Variants in SNX29 observed in about 807,000 individuals in gnomAD.
SNX29 encodes sorting nexin 29, also known as sorting nexin-29.
In SNX29, 78 loss-of-function variants were observed where a neutral mutation model predicts 102.1. The ratio of observed to expected loss-of-function variants is 0.76; its 90% CI spans 0.64 to 0.92. The LOEUF is 0.92. SNX29 is among the 40% of genes least tolerant of loss of function. The probability of loss-of-function intolerance (pLI) is 0.00; values close to 1 mark genes in which losing one functional copy is unlikely to be tolerated. For synonymous variants in SNX29, 580 were observed against 414.5 expected (o/e 1.40, Z -4.85); for missense variants, 1,280 against 1,061.7 (o/e 1.21, Z -2.86).
At chr16:12,394,878 G>T (rs1292563109) in intron 16 of SNX29, among the ~76,000 whole-genome samples, 1 of 152,178 alleles carries the variant, frequency 6.6e-6, no homozygotes, top group African/African-American at 2.4e-5. Flanking sequence ...TGCTGTGGAA[G>T]AGCTTTGTGG....
chr16:12,040,265 C>A (rs1399478043), intron 4 of SNX29, among the ~76,000 whole-genome samples: 3 of 152,056 alleles, frequency 2.0e-5, no homozygotes, highest in Non-Finnish European at 4.4e-5. Context: ...TGTGTCTCAG[C>A]TACTCGGGAG....
At chr16:12,420,647 G>A (rs1478717923) in intron 18 of SNX29, among the ~76,000 whole-genome samples, 3 of 152,196 alleles carry the variant, frequency 2.0e-5, no homozygotes, top group African/African-American at 7.2e-5. Flanking sequence ...GATAATCATA[G>A]CACTGACCTC....
intron 20 of SNX29, among the ~76,000 whole-genome samples, chr16:12,528,983 C>A (rs2141161645): frequency 6.6e-6 from 1 of 152,352 alleles, no homozygotes; most frequent in African/African-American, 2.4e-5. Flanking sequence ...CACACACACT[C>A]TTCCATTTTT....
intron 19 of SNX29, among the ~76,000 whole-genome samples, chr16:12,518,050 C>T (rs992609227): frequency 6.6e-5 from 10 of 152,106 alleles, no homozygotes; most frequent in Admixed American, 3.3e-4. Flanking sequence ...AGGCGTGCTG[C>T]GGCCACGCGG....
intron 19 of SNX29, among the ~76,000 whole-genome samples, chr16:12,514,007 T>C (rs2089752081): frequency 6.6e-6 from 1 of 152,290 alleles, no homozygotes; most frequent in South Asian, 2.1e-4. Flanking sequence ...TCCCCCGTTA[T>C]AAAGCAGAGT....
chr16:12,525,801 C>T (rs2076767456), intron 20 of SNX29, among the ~76,000 whole-genome samples: 1 of 150,216 alleles, frequency 6.7e-6, no homozygotes, highest in South Asian at 2.1e-4. Context: ...CTCGAAATGT[C>T]ATGCAGTGAC....
chr16:12,541,555 C>T (rs896915467), intron 20 of SNX29, among the ~76,000 whole-genome samples: 6 of 152,044 alleles, frequency 3.9e-5, no homozygotes, highest in African/African-American at 1.4e-4. Flanking sequence ...CCTCCCTTTT[C>T]AAGCTGCCAA....
chr16:12,508,044 A>C (rs1405728031), intron 19 of SNX29, among the ~76,000 whole-genome samples: 2 of 152,264 alleles, frequency 1.3e-5, no homozygotes, highest in Non-Finnish European at 2.9e-5. Flanking sequence ...AACGTGGCCA[A>C]GGGCAAGCTA....
At chr16:12,458,334 G>A (rs977784990) in intron 18 of SNX29, among the ~76,000 whole-genome samples, 2 of 152,096 alleles carry the variant, frequency 1.3e-5, no homozygotes, top group African/African-American at 4.8e-5. Flanking sequence ...CATAACACTG[G>A]GACAGGGAGG....
chr16:12,460,674 T>TTTG lies in SNX29; in HGVS notation c.2038-17044_2038-17043insTGT, dbSNP rs1232528027. 2.6e-5 allele frequency among the ~76,000 whole-genome samples: 4 copies of TTTG among 151,528 alleles called. No homozygotes were observed. The East Asian group carries it at 7.7e-4, about 29-fold the overall frequency. ...TGTGAACTCTTTTTTTTTTTTTTTT[T>TTTG]TGAGACAGAGTCTAGCTCTGTTGCC... On this transcript the variant is annotated intron_variant, in intron 18 of 20. Coordinates refer to ENST00000566228, the MANE Select transcript of SNX29 (RefSeq NM_032167.5).
rs548917445 is a variant in SNX29 at position 12,027,719 on chromosome 16, C to G, written c.247+275C>G. Reference sequence around the variant, plus strand: ...ACCTGTAGCACACTGGTTTATTTCACCACTGTGGCGTGCCAGTTGCTGGGA... The same window carrying G: ...ACCTGTAGCACACTGGTTTATTTCAGCACTGTGGCGTGCCAGTTGCTGGGA... On this transcript the variant is annotated intron_variant, in intron 4 of 20. Coordinates refer to ENST00000566228, the MANE Select transcript of SNX29 (RefSeq NM_032167.5). 7 of 260,298 alleles carry G rather than the reference C, an allele frequency of 2.7e-5. No homozygotes were observed. The East Asian group carries it at 6.3e-4, about 24-fold the overall frequency. 16.1% of individuals were successfully genotyped at this position (260,298 alleles called of 1,614,324 possible).
rs574090684 is a variant in SNX29 at position 12,558,793 on chromosome 16, T to A, written c.2319-9713T>A. On this transcript the variant is annotated intron_variant, in intron 20 of 20. Transcript: ENST00000566228. ...CCGCATTGTACAACCTGAAGCAGTTTATCTGCCTGATAAGGGCTCCCTAGG... is the reference window on the plus strand; with the variant it reads ...CCGCATTGTACAACCTGAAGCAGTTAATCTGCCTGATAAGGGCTCCCTAGG... Among the ~76,000 whole-genome samples the A allele has an allele frequency of 2.5e-3, 380 of 152,316 alleles. 3 individuals carry two copies. Among genetic ancestry groups the A allele is most frequent in the Admixed American group, 3.3e-3 (50 of 15,306 alleles).
At chr16:12,492,131 T>C (rs1407458249) in intron 19 of SNX29, among the ~76,000 whole-genome samples, 1 of 152,232 alleles carries the variant, frequency 6.6e-6, no homozygotes, top group Non-Finnish European at 1.5e-5. Context: ...GTTGAACTAG[T>C]TTACAGTCCC....
chr16:12,370,740 G>C (rs1320791362), intron 16 of SNX29, among the ~76,000 whole-genome samples: 1 of 152,184 alleles, frequency 6.6e-6, no homozygotes, highest in Non-Finnish European at 1.5e-5. Context: ...CTGTTTCGCT[G>C]TGTGTTTCAT....
chr16:12,052,203 C>T lies in SNX29; in HGVS notation c.1105C>T (p.His369Tyr). 1 of 1,613,902 alleles carries T rather than the reference C, an allele frequency of 6.2e-7. No homozygotes were observed. Among genetic ancestry groups the T allele is most frequent in the African/African-American group, 1.3e-5 (1 of 75,022 alleles). The change falls in exon 8 of 21, where the codon CAC (histidine) becomes TAC (tyrosine). Residue 369 changes from histidine (H) to tyrosine (Y), a missense_variant. Physicochemically the swap from His to Tyr is moderately conservative, Grantham distance 83 (BLOSUM62 2). Transcript: ENST00000566228. Reference sequence around the variant, plus strand: ...CTCATCAGGAAGGAAGCACAGGGGCCACTCGGAGTCGCCCGAGAAGTAAGT... The same window carrying T: ...CTCATCAGGAAGGAAGCACAGGGGCTACTCGGAGTCGCCCGAGAAGTAAGT... ...GNSSGRKHRG[H>Y]SESPEKPLEG... is the part of the protein sequence containing the mutation.
intron 13 of SNX29, among the ~76,000 whole-genome samples, chr16:12,168,528 C>G (rs1162485638): frequency 6.6e-6 from 1 of 152,182 alleles, no homozygotes; most frequent in Non-Finnish European, 1.5e-5. Flanking sequence ...TACCTCGCCC[C>G]AGCTAGCATC....
chr16:12,247,870 C>T (rs984539552), intron 14 of SNX29, among the ~76,000 whole-genome samples: 1 of 152,148 alleles, frequency 6.6e-6, no homozygotes, highest in Non-Finnish European at 1.5e-5. Flanking sequence ...ACAAGAGTGA[C>T]AGTAAATCTA....
intron 18 of SNX29, among the ~76,000 whole-genome samples, chr16:12,439,798 T>C (rs2085717524): frequency 6.6e-6 from 1 of 152,194 alleles, no homozygotes; most frequent in African/African-American, 2.4e-5. Flanking sequence ...AGTTTCCCAC[T>C]TTTCTGCTAG....
chr16:12,387,620 G>T (rs1446911391), intron 16 of SNX29, among the ~76,000 whole-genome samples: 1 of 152,230 alleles, frequency 6.6e-6, no homozygotes, highest in Non-Finnish European at 1.5e-5. Context: ...AAAATAGGAT[G>T]TCGCAGGCGT....
Sources: allele counts gnomAD v4.1 joint callset (sites outside exome capture counted in the v4.1 genomes callset), GRCh38; gene constraint gnomAD v4.1.1; transcripts MANE v1.5; gene names NCBI Gene and HGNC (gene_info 2026-07-23, HGNC 2026-07-21).